Variants in LYPLA1 observed in about 807,000 individuals in gnomAD.
The protein encoded by LYPLA1 is lysophospholipase 1.
Under a neutral mutation model 34.0 loss-of-function variants are expected in LYPLA1, and 17 were observed. The ratio of observed to expected loss-of-function variants is 0.50; its 90% confidence interval spans 0.34 to 0.75. The LOEUF (loss-of-function observed/expected upper bound fraction) is 0.75. Among genes scored for constraint, LYPLA1 ranks in the 30% least tolerant of loss-of-function variants. The pLI, the probability that LYPLA1 is intolerant of heterozygous loss-of-function variation, is 0.01. For missense variants in LYPLA1, 203 were observed against 288.8 expected (o/e 0.70, Z 2.15); for synonymous variants, 98 against 100.8 (o/e 0.97, Z 0.17).
chr8:54,072,485 A>G (rs1807551680), intron 2 of LYPLA1, among the ~76,000 whole-genome samples: 1 of 152,196 alleles, frequency 6.6e-6, no homozygotes, highest in Non-Finnish European at 1.5e-5. Context: ...CAAACTGCGC[A>G]CCCAACAAAG....
At chr8:54,058,228 A>T (rs561673016) in intron 5 of LYPLA1, among the ~76,000 whole-genome samples, 1 of 152,304 alleles carries the variant, frequency 6.6e-6, no homozygotes, top group Non-Finnish European at 1.5e-5. Context: ...AAAACCATTC[A>T]TTCTATTGTT....
At chr8:54,094,251 A>C (rs2129368787) in intron 2 of LYPLA1, among the ~76,000 whole-genome samples, 1 of 152,270 alleles carries the variant, frequency 6.6e-6, no homozygotes, top group East Asian at 1.9e-4. Flanking sequence ...AGGGAGGGGG[A>C]CACATGAAGA....
chr8:54,057,363 A>C (rs1806278969), intron 5 of LYPLA1, among the ~76,000 whole-genome samples: 1 of 152,202 alleles, frequency 6.6e-6, no homozygotes, highest in Admixed American at 6.5e-5. Flanking sequence ...CTGTACTCCC[A>C]TGTTTGTTGT....
chr8:54,062,173 T>C, intron 5 of LYPLA1, 81 bp downstream of exon 5: 1 of 1,023,858 alleles, frequency 9.8e-7, no homozygotes, highest in East Asian at 2.7e-5. Flanking sequence ...GTGTAATTTT[T>C]AACCAGTAGC....
At chr8:54,060,689 CTTTTTTTTTT>C (rs761596145) in intron 5 of LYPLA1, among the ~76,000 whole-genome samples, 2 of 123,484 alleles carry the variant, frequency 1.6e-5, no homozygotes, top group African/African-American at 3.5e-5. Context: ...TTTTTTCTTC[CTTTTTTTTTT>C]TTTTTTTTTT....
intron 2 of LYPLA1, among the ~76,000 whole-genome samples, chr8:54,096,895 G>C (rs1035181386): frequency 6.6e-6 from 1 of 152,120 alleles, no homozygotes; most frequent in Non-Finnish European, 1.5e-5. Context: ...CTGGGTGACA[G>C]AGCGAGATTC....
At chr8:54,081,145 T>C (rs1365212408) in intron 2 of LYPLA1, among the ~76,000 whole-genome samples, 3 of 152,212 alleles carry the variant, frequency 2.0e-5, no homozygotes, top group Non-Finnish European at 2.9e-5. Flanking sequence ...TAACAGGCTG[T>C]TGAAGAGTTG....
At chr8:54,053,007 CA>C (rs1805954000) in intron 6 of LYPLA1, 1 of 405,172 alleles carries the variant, frequency 2.5e-6, no homozygotes, top group Non-Finnish European at 4.4e-6. Flanking sequence ...GCTGCACTTA[CA>C]ACATGCCTTA....
chr8:54,043,650 C>G (rs1168439721), downstream of LYPLA1, among the ~76,000 whole-genome samples: 30 of 152,010 alleles, frequency 2.0e-4, no homozygotes, highest in Non-Finnish European at 2.9e-5. Context: ...TCACTACAGC[C>G]TCCTGGGTTC....
At chr8:54,068,628 G>A (rs1807250775) in intron 2 of LYPLA1, among the ~76,000 whole-genome samples, 1 of 152,184 alleles carries the variant, frequency 6.6e-6, no homozygotes, top group Admixed American at 6.5e-5. Context: ...GCTGGGACAA[G>A]TGGATATCCA....
intron 2 of LYPLA1, among the ~76,000 whole-genome samples, chr8:54,074,540 C>T (rs1416255279): frequency 6.6e-6 from 1 of 152,218 alleles, no homozygotes; most frequent in Non-Finnish European, 1.5e-5. Flanking sequence ...TTTCCAGGAC[C>T]TTTGAAAGGA....
intron 6 of LYPLA1, among the ~76,000 whole-genome samples, chr8:54,054,255 T>C (rs1307710050): frequency 1.3e-5 from 2 of 152,192 alleles, no homozygotes; most frequent in African/African-American, 4.8e-5. Flanking sequence ...AGTGCTGGGA[T>C]TACAGGCGTG....
intron 2 of LYPLA1, among the ~76,000 whole-genome samples, chr8:54,084,137 A>ATATATATATATACATATATATATATAT (rs1563642470): frequency 1.7e-5 from 2 of 120,178 alleles, no homozygotes; most frequent in African/African-American, 9.4e-5. Flanking sequence ...AAAAAAAATA[A>ATATATATATATACATATATATATATAT]ATAAATATAT....
chr8:54,087,920 A>G (rs1263810249), intron 2 of LYPLA1, among the ~76,000 whole-genome samples: 1 of 152,224 alleles, frequency 6.6e-6, no homozygotes, highest in Admixed American at 6.5e-5. Context: ...TAATCTGACA[A>G]GTCCACCCTA....
At chr8:54,063,254 G>T (rs1806787094) in intron 4 of LYPLA1, 74 bp downstream of exon 4, 1 of 956,982 alleles carries the variant, frequency 1.0e-6, no homozygotes. Flanking sequence ...AAAAACTGCT[G>T]TACACAAAAG....
chr8:54,064,161 T>G (rs988348667), intron 3 of LYPLA1, among the ~76,000 whole-genome samples: 1 of 152,148 alleles, frequency 6.6e-6, no homozygotes, highest in African/African-American at 2.4e-5. Context: ...ACGCCTGTAA[T>G]CCCAGCACTT....
chr8:54,053,654 T>C (rs1563564793), intron 6 of LYPLA1: 1 of 456,302 alleles, frequency 2.2e-6, no homozygotes, highest in Non-Finnish European at 4.4e-6. Flanking sequence ...CCAGTCACTC[T>C]CTGTGTGGCT....
chr8:54,069,713 TA>T (rs74504176), intron 2 of LYPLA1, among the ~76,000 whole-genome samples: 785 of 139,826 alleles, frequency 5.6e-3, no homozygotes, highest in Admixed American at 7.7e-3. Flanking sequence ...CTGTCTCGTT[TA>T]AAAAAAAAAA....
chr8:54,094,225 G>A (rs976064855), intron 2 of LYPLA1, among the ~76,000 whole-genome samples: 1 of 152,128 alleles, frequency 6.6e-6, no homozygotes. Context: ...GGAATACATC[G>A]GGGCTGGGGA....
Sources: allele counts gnomAD v4.1 joint callset (sites outside exome capture counted in the v4.1 genomes callset), GRCh38; gene constraint gnomAD v4.1.1; transcripts MANE v1.5; gene names NCBI Gene and HGNC (gene_info 2026-07-23, HGNC 2026-07-21).